Variants in TOP6BL observed in about 807,000 individuals in gnomAD.
TOP6BL encodes the protein type 2 DNA topoisomerase 6 subunit B-like.
At chr11:66,822,717 G>T in the TOP6BL span, 5 of 1,399,514 alleles carry the variant, frequency 3.6e-6, no homozygotes, top group Non-Finnish European at 5.0e-6. Context: ...AAGTGCCAGG[G>T]TTTTGGCTGG....
chr11:66,785,936 G>A, the TOP6BL span, among the ~76,000 whole-genome samples: 1 of 152,054 alleles, frequency 6.6e-6, no homozygotes, highest in African/African-American at 2.4e-5. Context: ...TCTCTCTTTT[G>A]TTCCCTTTTT....
the TOP6BL span, among the ~76,000 whole-genome samples, chr11:66,834,486 C>T: frequency 6.6e-6 from 1 of 152,152 alleles, no homozygotes; most frequent in Admixed American, 6.5e-5. Context: ...AGGTCAAATT[C>T]TTTGACCTCT....
At chr11:66,804,232 T>A in the TOP6BL span, 120 of 1,499,812 alleles carry the variant, frequency 8.0e-5, no homozygotes, top group Non-Finnish European at 1.0e-4. Context: ...ATCTTTGAAA[T>A]GGGTTTTTAT....
chr11:66,789,460 T>C, the TOP6BL span, among the ~76,000 whole-genome samples: 6 of 152,318 alleles, frequency 3.9e-5, no homozygotes, highest in East Asian at 3.9e-4. Context: ...TGAATAATTA[T>C]ATGCTCATTC....
At chr11:66,776,485 A>G in the TOP6BL span, among the ~76,000 whole-genome samples, 2 of 152,108 alleles carry the variant, frequency 1.3e-5, no homozygotes, top group African/African-American at 4.8e-5. Context: ...ACAAGGAAGG[A>G]TTATTTAAAA....
At chr11:66,803,546 A>G in the TOP6BL span, among the ~76,000 whole-genome samples, 5 of 152,198 alleles carry the variant, frequency 3.3e-5, no homozygotes, top group African/African-American at 4.8e-5. Context: ...CTCCTGCCTC[A>G]GCCTCCTGAA....
the TOP6BL span, among the ~76,000 whole-genome samples, chr11:66,801,464 A>G: frequency 2.0e-5 from 3 of 152,304 alleles, no homozygotes; most frequent in Admixed American, 6.5e-5. Context: ...TTCAGTGTAC[A>G]TTATTTTCTG....
the TOP6BL span, among the ~76,000 whole-genome samples, chr11:66,840,827 T>G: frequency 1.3e-5 from 2 of 152,192 alleles, no homozygotes; most frequent in Non-Finnish European, 2.9e-5. Context: ...TCTACTTTCC[T>G]CTGGTCATGC....
the TOP6BL span, chr11:66,813,775 G>T: frequency 2.5e-6 from 3 of 1,214,888 alleles, no homozygotes; most frequent in Non-Finnish European, 2.4e-6. Flanking sequence ...TTATGGGAGT[G>T]TAAACCAGGT....
the TOP6BL span, chr11:66,838,243 G>A: frequency 1.4e-6 from 1 of 729,672 alleles, no homozygotes; most frequent in Non-Finnish European, 2.3e-6. Flanking sequence ...CCAGGAGGAA[G>A]AGGGAGTTCC....
At chr11:66,807,755 A>G in the TOP6BL span, among the ~76,000 whole-genome samples, 1 of 152,314 alleles carries the variant, frequency 6.6e-6, no homozygotes, top group Admixed American at 6.5e-5. Context: ...AAGATGTATT[A>G]ATACTTCCAA....
the TOP6BL span, among the ~76,000 whole-genome samples, chr11:66,783,378 A>G: frequency 5.5e-4 from 83 of 152,292 alleles, no homozygotes; most frequent in African/African-American, 1.9e-3. Context: ...ACAGACAGAC[A>G]GATAGATAGA....
the TOP6BL span, among the ~76,000 whole-genome samples, chr11:66,796,629 A>T: frequency 1.3e-5 from 2 of 151,874 alleles, no homozygotes; most frequent in East Asian, 1.9e-4. Flanking sequence ...AAAAAATTTT[A>T]AAAATTAGCC....
chr11:66,792,089 C>T, the TOP6BL span, among the ~76,000 whole-genome samples: 1,351 of 152,206 alleles, frequency 8.9e-3, 23 homozygotes, highest in African/African-American at 0.03. Flanking sequence ...GGATTACAGG[C>T]GTGAGCCGCC....
chr11:66,836,627 A>G, the TOP6BL span, among the ~76,000 whole-genome samples: 266 of 149,272 alleles, frequency 1.8e-3, 9 homozygotes, highest in South Asian at 0.055. Flanking sequence ...CGGAGGTGGG[A>G]GGATCGCTTG....
At chr11:66,802,079 TC>T in the TOP6BL span, among the ~76,000 whole-genome samples, 1 of 152,260 alleles carries the variant, frequency 6.6e-6, no homozygotes, top group East Asian at 1.9e-4. Context: ...AGCCTTGGTC[TC>T]CTGGGCTCAA....
At chr11:66,842,995 A>G in the TOP6BL span, 3 of 1,550,230 alleles carry the variant, frequency 1.9e-6, no homozygotes, top group African/African-American at 2.7e-5. Context: ...CCTCACTCCT[A>G]GAGGAAGGGA....
the TOP6BL span, among the ~76,000 whole-genome samples, chr11:66,784,202 T>G: frequency 1.3e-4 from 20 of 152,074 alleles, no homozygotes; most frequent in Admixed American, 1.0e-3. Flanking sequence ...GGCTAATTTT[T>G]TTTTGTATTT....
chr11:66,843,249 C>A, the TOP6BL span: 1 of 1,607,124 alleles, frequency 6.2e-7, no homozygotes, highest in Admixed American at 1.7e-5. Context: ...GGTCCCCTTC[C>A]GCAAGCGCCC....
Sources: gnomAD v4.1 joint callset for allele counts (sites outside exome capture counted in the v4.1 genomes callset) on GRCh38, gnomAD v4.1.1 for gene constraint, MANE v1.5 for transcripts, NCBI Gene and HGNC (gene_info 2026-07-23, HGNC 2026-07-21) for gene names.